LAMA3: variants seen among roughly 807,000 people sequenced by gnomAD.
The protein encoded by LAMA3 is laminin subunit alpha 3, also known as laminin subunit alpha-3.
Under a neutral mutation model 402.0 loss-of-function variants are expected in LAMA3, and 281 were observed. The ratio of observed to expected loss-of-function variants is 0.70; its 90% CI spans 0.63 to 0.77. The LOEUF is 0.77. Ranked by LOEUF, LAMA3 falls within the 30% of genes least tolerant of loss-of-function variation. The pLI is 0.00. For synonymous variants in LAMA3, 1,431 were observed against 1,558.4 expected (o/e 0.92, Z 1.93); for missense variants, 3,840 against 4,215.5 (o/e 0.91, Z 2.47).
intron 12 of LAMA3, among the ~76,000 whole-genome samples, chr18:23,789,510 T>A (rs1036853780): frequency 1.3e-5 from 2 of 152,196 alleles, no homozygotes; most frequent in African/African-American, 4.8e-5. Context: ...TACTTATGCA[T>A]GCTACCACAT....
At position 23,751,036 on chromosome 18, in the gene LAMA3, T is replaced by C. The variant is rs762473260; in HGVS notation, c.803T>C (p.Leu268Pro). 6.2e-7 allele frequency: 1 copy of C among 1,614,062 alleles called. No individual in the cohort carries two copies. The highest frequency in any genetic ancestry group is 8.5e-7 in the Non-Finnish European group (1 of 1,180,034). Residue 268 changes from leucine (L) to proline (P), a missense_variant, in exon 5 of 75, where the codon CTT (leucine) becomes CCT (proline). Leu to Pro is a moderately conservative substitution (Grantham distance 98, BLOSUM62 -3). Transcript: ENST00000313654. ...IRLRFLRTNT[L>P]LGHLISKAQR... Reference sequence around the variant, plus strand: ...TTGCGTTTTCTTAGAACCAATACGCTTCTTGGACACCTCATCTCCAAAGCC... The same window carrying C: ...TTGCGTTTTCTTAGAACCAATACGCCTCTTGGACACCTCATCTCCAAAGCC...
chr18:23,886,530 T>C (rs1345674455), intron 41 of LAMA3, among the ~76,000 whole-genome samples: 1 of 151,868 alleles, frequency 6.6e-6, no homozygotes, highest in Non-Finnish European at 1.5e-5. Flanking sequence ...TGGTCCCAGC[T>C]ACTTGGGATG....
chr18:23,932,077 G>A, intron 65 of LAMA3, 83 bp from the exon 66 acceptor site: 1 of 1,499,650 alleles, frequency 6.7e-7, no homozygotes, highest in Non-Finnish European at 9.3e-7. Flanking sequence ...TTGAATCTGA[G>A]TCTTAGACAG....
intron 4 of LAMA3, among the ~76,000 whole-genome samples, chr18:23,750,033 C>A (rs1180644932): frequency 6.6e-6 from 1 of 152,146 alleles, no homozygotes; most frequent in Admixed American, 6.5e-5. Context: ...ATAGAAAGAG[C>A]CTGCTTCCCT....
chr18:23,930,227 A>G (rs1367385000), intron 64 of LAMA3, among the ~76,000 whole-genome samples: 3 of 152,250 alleles, frequency 2.0e-5, no homozygotes, highest in Non-Finnish European at 4.4e-5. Context: ...AATGATTGAC[A>G]GGAAGAGTCA....
rs899410553 is a variant in LAMA3 at position 23,810,764 on chromosome 18, G to A, written c.1741+261G>A. Among the ~76,000 whole-genome samples, 67 of 152,250 alleles carry A rather than the reference G, an allele frequency of 4.4e-4. 1 individual carries two copies. The highest frequency in any genetic ancestry group is 1.5e-3 in the African/African-American group (63 of 41,534). On this transcript the variant is annotated intron_variant, in intron 13 of 74. Coordinates refer to ENST00000313654, the MANE Select transcript of LAMA3 (RefSeq NM_198129.4). The stretch of plus-strand genomic sequence containing the variant: ...AAATTTCCATGTGCTATACATGTGG[G>A]TTTCTTGGTTCACATGTCAGTTTTC...
chr18:23,737,125 T>C (rs2061489937), intron 2 of LAMA3, among the ~76,000 whole-genome samples: 1 of 152,042 alleles, frequency 6.6e-6, no homozygotes, highest in African/African-American at 2.4e-5. Context: ...AGTTTCTCTG[T>C]TTAATCCACA....
intron 12 of LAMA3, among the ~76,000 whole-genome samples, chr18:23,804,748 C>T (rs959119349): frequency 6.6e-6 from 1 of 152,098 alleles, no homozygotes; most frequent in Non-Finnish European, 1.5e-5. Flanking sequence ...GAGATGGATC[C>T]TTCATGAATG....
At chr18:23,924,670 G>A (rs1029979450) in intron 62 of LAMA3, among the ~76,000 whole-genome samples, 27 of 149,484 alleles carry the variant, frequency 1.8e-4, no homozygotes, top group African/African-American at 5.9e-4. Context: ...TCAGCCTCCC[G>A]AGTAGCTGGG....
chr18:23,933,666 A>G, intron 66 of LAMA3, 116 bp from the exon 67 acceptor site: 1 of 1,097,920 alleles, frequency 9.1e-7, no homozygotes, highest in Non-Finnish European at 1.4e-6. Flanking sequence ...GTACCCATTA[A>G]CCAACCCCTC....
At chr18:23,796,423 A>G (rs1424414054) in intron 12 of LAMA3, among the ~76,000 whole-genome samples, 1 of 152,184 alleles carries the variant, frequency 6.6e-6, no homozygotes, top group Non-Finnish European at 1.5e-5. Flanking sequence ...CCCCATGGTA[A>G]AATCAAGGTG....
At chr18:23,861,171 T>TC (rs1478452447) in intron 34 of LAMA3, among the ~76,000 whole-genome samples, 1 of 142,740 alleles carries the variant, frequency 7.0e-6, no homozygotes, top group African/African-American at 3.0e-5. Flanking sequence ...CTCAGTTCTT[T>TC]CTTTTTTTTT....
intron 1 of LAMA3, among the ~76,000 whole-genome samples, chr18:23,695,398 T>A (rs1448330833): frequency 6.6e-6 from 1 of 152,176 alleles, no homozygotes; most frequent in Admixed American, 6.5e-5. Flanking sequence ...GGACCCTGCA[T>A]GAGGCTCTGT....
rs929070567 is a variant in LAMA3 at position 23,753,632 on chromosome 18, A to G, written c.856-89A>G. 10 of 895,582 alleles carry G rather than the reference A, an allele frequency of 1.1e-5. No homozygotes were observed. The African/African-American group carries it at 1.5e-4, about 13-fold the overall frequency. The allele number at this position is 895,582 out of a possible 1,614,324, so 55.5% of individuals were successfully genotyped here. ...GAATACGGAATTTTAAAAGGGAAGC[A>G]GAGGCAGCAGATGTGGGTTAAAGAC... On this transcript the variant is annotated intron_variant, in intron 5 of 74. Transcript: ENST00000313654.
intron 42 of LAMA3, among the ~76,000 whole-genome samples, chr18:23,892,705 C>G (rs975477207): frequency 1.3e-5 from 2 of 151,976 alleles, no homozygotes; most frequent in Non-Finnish European, 2.9e-5. Flanking sequence ...GAGTTTGAGA[C>G]CAGCCTGGCC....
intron 12 of LAMA3, among the ~76,000 whole-genome samples, chr18:23,784,695 G>T (rs2062507272): frequency 6.6e-6 from 1 of 152,150 alleles, no homozygotes; most frequent in African/African-American, 2.4e-5. Flanking sequence ...ATGGAAGGTG[G>T]GAGGAGGAAG....
At chr18:23,852,643 C>T (rs925497668) in intron 32 of LAMA3, among the ~76,000 whole-genome samples, 4 of 152,258 alleles carry the variant, frequency 2.6e-5, no homozygotes, top group Non-Finnish European at 4.4e-5. Flanking sequence ...GCATGGTGAG[C>T]GCCATATTGT....
chr18:23,928,340 C>A, intron 63 of LAMA3, 100 bp downstream of exon 63: 1 of 796,058 alleles, frequency 1.3e-6, no homozygotes, highest in Non-Finnish European at 2.2e-6. Flanking sequence ...TGATAGCACA[C>A]AGTGTTACAG....
Position 23,939,524 on chromosome 18 carries a change from T to C in LAMA3, c.9026+138T>C, listed in dbSNP as rs961307493. The C allele has an allele frequency of 1.8e-5, 17 of 929,612 alleles. No homozygotes were observed. The African/African-American group carries it at 2.3e-4, about 12-fold the overall frequency. The allele number at this position is 929,612 out of a possible 1,614,324, so 57.6% of individuals were successfully genotyped here. ...CTACCATTTTTGTGCAAAGAGGTGC[T>C]GGCCTGCACAGGACAGGGAGCGTGA... On this transcript the variant is annotated intron_variant, in intron 68 of 74. Coordinates refer to ENST00000313654, the MANE Select transcript of LAMA3 (RefSeq NM_198129.4).
Sources: allele counts gnomAD v4.1 joint callset (sites outside exome capture counted in the v4.1 genomes callset), GRCh38; gene constraint gnomAD v4.1.1; transcripts MANE v1.5; gene names NCBI Gene and HGNC (gene_info 2026-07-23, HGNC 2026-07-21).